NTN1: variants seen among roughly 807,000 people sequenced by gnomAD.
The protein encoded by NTN1 is netrin 1, also known as netrin-1.
Under a neutral mutation model 54.2 loss-of-function variants are expected in NTN1, and 11 were observed. The observed-to-expected ratio is 0.20, with a 90% CI of 0.13 to 0.34. The LOEUF is 0.34. Ranked by LOEUF, NTN1 falls within the 10% of genes least tolerant of loss-of-function variation. The pLI, the probability that NTN1 is intolerant of heterozygous loss-of-function variation, is 1.00. For missense variants in NTN1, 740 were observed against 893.1 expected (o/e 0.83, Z 2.18); for synonymous variants, 371 against 382.0 (o/e 0.97, Z 0.33).
chr17:9,155,048 A>G (rs1033355249), intron 2 of NTN1, among the ~76,000 whole-genome samples: 6 of 152,182 alleles, frequency 3.9e-5, no homozygotes, highest in Non-Finnish European at 5.9e-5. Context: ...CGCTGGCAGA[A>G]TATCCCGTCT....
At chr17:9,164,388 G>C (rs538264296) in intron 3 of NTN1, among the ~76,000 whole-genome samples, 1 of 150,526 alleles carries the variant, frequency 6.6e-6, no homozygotes, top group Non-Finnish European at 1.5e-5. Flanking sequence ...TCGCGCCACC[G>C]CACTCCAGCC....
chr17:9,152,360 T>C (rs2092330257), intron 2 of NTN1, among the ~76,000 whole-genome samples: 1 of 152,180 alleles, frequency 6.6e-6, no homozygotes, highest in East Asian at 1.9e-4. Context: ...CTCTGCCCAG[T>C]TCCCCGGAGA....
chr17:9,121,630 C>T (rs192544153), intron 2 of NTN1, among the ~76,000 whole-genome samples: 194 of 152,320 alleles, frequency 1.3e-3, no homozygotes, highest in Non-Finnish European at 2.0e-3. Context: ...TGCAGCCATC[C>T]GTACCCTACT....
chr17:9,194,976 C>T (rs1904584604), intron 5 of NTN1, among the ~76,000 whole-genome samples: 1 of 152,144 alleles, frequency 6.6e-6, no homozygotes, highest in African/African-American at 2.4e-5. Flanking sequence ...TCTGAGCAGC[C>T]TGCACAAGTC....
intron 2 of NTN1, among the ~76,000 whole-genome samples, chr17:9,035,066 T>C (rs903854012): frequency 4.3e-4 from 65 of 152,108 alleles, no homozygotes; most frequent in African/African-American, 1.5e-3. Flanking sequence ...CCTGCCTCAG[T>C]CTCCCGAGTA....
At chr17:9,208,314 C>T (rs1191577187) in intron 5 of NTN1, among the ~76,000 whole-genome samples, 1 of 152,188 alleles carries the variant, frequency 6.6e-6, no homozygotes, top group Non-Finnish European at 1.5e-5. Flanking sequence ...AGGGTGCTGG[C>T]TGACGTCTTT....
At chr17:9,050,230 G>A (rs892772536) in intron 2 of NTN1, among the ~76,000 whole-genome samples, 6 of 151,488 alleles carry the variant, frequency 4.0e-5, no homozygotes, top group South Asian at 2.1e-4. Flanking sequence ...CTGGGCGACA[G>A]AGTGAGACTC....
At chr17:9,059,923 C>T (rs9891818) in intron 2 of NTN1, among the ~76,000 whole-genome samples, 17,316 of 151,596 alleles carry the variant, frequency 0.11, 1,287 homozygotes, top group Non-Finnish European at 0.16. Context: ...GAGCATGTTT[C>T]GGAGCACTGG....
At chr17:9,195,704 T>C (rs1904614345) in intron 5 of NTN1, among the ~76,000 whole-genome samples, 1 of 152,154 alleles carries the variant, frequency 6.6e-6, no homozygotes, top group South Asian at 2.1e-4. Context: ...ACACCTGGCC[T>C]GAGGCCCTCA....
Position 9,221,104 on chromosome 17 carries a change from C to G in NTN1, c.1412-64C>G. 1 of 1,202,058 alleles carries G rather than the reference C, an allele frequency of 8.3e-7. No individual in the cohort carries two copies. The highest frequency in any genetic ancestry group is 1.2e-5 in the South Asian group (1 of 82,664). 74.5% of individuals were successfully genotyped at this position (1,202,058 alleles called of 1,614,324 possible). A position where few individuals can be genotyped will look rare whatever the true frequency, so the allele number is the denominator to read the frequency against. ...TAGGGAGGCGGCCTCCTACTCTGCC[C>G]GCCAGCCTATTCATCGCCAGCCTAA... On this transcript the variant is annotated intron_variant, in intron 5 of 6. Transcript: ENST00000173229. This position sits in a 1 kb window ranked among gnomAD's most constrained non-coding sequence, Gnocchi z 4.5.
At chr17:9,194,171 G>C (rs1904559664) in intron 5 of NTN1, among the ~76,000 whole-genome samples, 1 of 152,164 alleles carries the variant, frequency 6.6e-6, no homozygotes, top group Admixed American at 6.5e-5. Context: ...AGGAGGTGGA[G>C]GTTGCAGTGA....
At chr17:9,050,581 A>G (rs952776027) in intron 2 of NTN1, among the ~76,000 whole-genome samples, 1 of 150,604 alleles carries the variant, frequency 6.6e-6, no homozygotes, top group African/African-American at 2.4e-5. Context: ...GAGACAGAGA[A>G]TCGCTTGAAC....
chr17:9,003,121 C>G, the NTN1 span, among the ~76,000 whole-genome samples: 6 of 152,104 alleles, frequency 3.9e-5, no homozygotes, highest in Non-Finnish European at 7.4e-5. The surrounding 1 kb of genome is among the most constrained non-coding windows in gnomAD (Gnocchi z 7.4). Context: ...GCTCGCCTCC[C>G]GCTGCCGCCG....
Position 9,221,679 on chromosome 17 carries a change from C to T in NTN1, c.1486+437C>T, listed in dbSNP as rs1905360757. Among the ~76,000 whole-genome samples, 1 of 152,232 alleles carries T rather than the reference C, an allele frequency of 6.6e-6. No homozygotes were observed. Among genetic ancestry groups the T allele is most frequent in the South Asian group, 2.1e-4 (1 of 4,838 alleles). ...CCCCGGTGCATTTCCAGTGTTCCGC[C>T]AGGCTGTAGCGGGGCCGGGAGTCTG... On this transcript the variant is annotated intron_variant, in intron 6 of 6. Transcript: ENST00000173229. The surrounding 1 kb of genome is among the most constrained non-coding windows in gnomAD (Gnocchi z 4.5).
chr17:9,062,170 C>G (rs1040178115), intron 2 of NTN1, among the ~76,000 whole-genome samples: 26 of 152,030 alleles, frequency 1.7e-4, no homozygotes, highest in Non-Finnish European at 1.2e-4. Context: ...AACAAAAAAT[C>G]TTTCAGGGCA....
At chr17:9,032,432 C>T (rs971756177) in intron 2 of NTN1, among the ~76,000 whole-genome samples, 8 of 152,218 alleles carry the variant, frequency 5.3e-5, no homozygotes, top group Non-Finnish European at 1.2e-4. Flanking sequence ...TATGCCCCAA[C>T]CTGGGCCAGG....
chr17:9,034,083 G>A (rs1051242730), intron 2 of NTN1, among the ~76,000 whole-genome samples: 6 of 152,190 alleles, frequency 3.9e-5, no homozygotes, highest in African/African-American at 7.2e-5. Context: ...CAGACTGGCT[G>A]GGTTTAAATT....
At chr17:9,066,639 A>G (rs1045124808) in intron 2 of NTN1, among the ~76,000 whole-genome samples, 1 of 151,146 alleles carries the variant, frequency 6.6e-6, no homozygotes, top group African/African-American at 2.4e-5. Flanking sequence ...AAGAAAAAAA[A>G]ATTCAATAGC....
intron 5 of NTN1, among the ~76,000 whole-genome samples, chr17:9,186,324 C>T (rs2092432749): frequency 1.3e-5 from 2 of 152,242 alleles, no homozygotes; most frequent in Non-Finnish European, 2.9e-5. Flanking sequence ...CCAGCAGAAA[C>T]AGAGCAAAGA....
Sources: gnomAD v4.1 joint callset for allele counts (sites outside exome capture counted in the v4.1 genomes callset) on GRCh38, gnomAD v4.1.1 for gene constraint, Gnocchi (gnomAD v3.1) non-coding constraint, MANE v1.5 for transcripts, NCBI Gene and HGNC (gene_info 2026-07-23, HGNC 2026-07-21) for gene names.